THSD7B: variants seen among roughly 807,000 people sequenced by gnomAD.
The protein encoded by THSD7B is thrombospondin type-1 domain-containing protein 7B.
In THSD7B, 138 loss-of-function variants were observed where a neutral mutation model predicts 213.6. The observed-to-expected ratio is 0.65, with a 90% CI of 0.56 to 0.74. THSD7B has a LOEUF of 0.74. Among genes scored for constraint, THSD7B ranks in the 30% least tolerant of loss-of-function variants. The pLI is 0.00. For synonymous variants in THSD7B, 742 were observed against 687.0 expected, an observed-to-expected ratio of 1.08 and a Z score of -1.25; for missense variants, 1,931 against 1,991.5, an observed-to-expected ratio of 0.97 and a Z score of 0.58.
chr2:137,351,569 C>T (rs919752750), intron 12 of THSD7B, among the ~76,000 whole-genome samples: 6 of 151,766 alleles, frequency 4.0e-5, no homozygotes, highest in Non-Finnish European at 7.4e-5. Context: ...ATGAAGCAAT[C>T]GATGAGTGAC....
intron 1 of THSD7B, among the ~76,000 whole-genome samples, chr2:136,772,038 CT>C (rs900159706): frequency 8.6e-5 from 13 of 151,060 alleles, no homozygotes; most frequent in African/African-American, 2.2e-4. Context: ...TATTTAGTCC[CT>C]TTTTTTTTGT....
intron 2 of THSD7B, among the ~76,000 whole-genome samples, chr2:136,966,809 A>G (rs1435724418): frequency 6.6e-6 from 1 of 152,156 alleles, no homozygotes; most frequent in Non-Finnish European, 1.5e-5. Flanking sequence ...TGCCTAAAAC[A>G]ACCTTTTTTC....
At chr2:137,641,762 GCAGAA>G (rs750092970) in intron 20 of THSD7B, among the ~76,000 whole-genome samples, 18 of 152,162 alleles carry the variant, frequency 1.2e-4, no homozygotes, top group Non-Finnish European at 2.4e-4. Context: ...GTCTTTCATT[GCAGAA>G]CAGGAGACTA....
At chr2:137,434,870 A>G (rs571506293) in intron 14 of THSD7B, among the ~76,000 whole-genome samples, 3 of 152,306 alleles carry the variant, frequency 2.0e-5, no homozygotes, top group South Asian at 4.1e-4. Flanking sequence ...CTTAAAGCCT[A>G]TAATTATGTC....
intron 15 of THSD7B, among the ~76,000 whole-genome samples, chr2:137,538,901 C>A (rs565862295): frequency 4.6e-5 from 7 of 151,594 alleles, no homozygotes; most frequent in Non-Finnish European, 8.9e-5. Flanking sequence ...TAGCTCCAAA[C>A]AGCCGAGAAT....
At chr2:137,161,367 T>A (rs1680015378) in intron 6 of THSD7B, among the ~76,000 whole-genome samples, 1 of 152,222 alleles carries the variant, frequency 6.6e-6, no homozygotes, top group Non-Finnish European at 1.5e-5. Context: ...AGGTTCTAGT[T>A]ATTACATGCA....
chr2:137,251,905 A>G (rs1309151734), intron 10 of THSD7B, among the ~76,000 whole-genome samples: 2 of 152,196 alleles, frequency 1.3e-5, no homozygotes, highest in Admixed American at 1.3e-4. Flanking sequence ...TGTGACAAGC[A>G]CCTACTGTGT....
At chr2:137,194,316 T>G (rs1271507268) in intron 7 of THSD7B, among the ~76,000 whole-genome samples, 3 of 152,144 alleles carry the variant, frequency 2.0e-5, no homozygotes, top group African/African-American at 7.2e-5. Context: ...GTCCTAAAAT[T>G]GACCTAAAGC....
intron 4 of THSD7B, among the ~76,000 whole-genome samples, chr2:137,109,027 C>T (rs781773252): frequency 1.3e-5 from 2 of 152,098 alleles, no homozygotes; most frequent in Non-Finnish European, 2.9e-5. Context: ...TCTCTCATTC[C>T]AGGTCTAATC....
intron 7 of THSD7B, among the ~76,000 whole-genome samples, chr2:137,175,927 G>A (rs1680349662): frequency 6.6e-6 from 1 of 151,990 alleles, no homozygotes; most frequent in African/African-American, 2.4e-5. Flanking sequence ...GGAATATTTT[G>A]CGATTCACCA....
At chr2:137,503,857 T>C (rs1679771175) in intron 15 of THSD7B, among the ~76,000 whole-genome samples, 1 of 151,798 alleles carries the variant, frequency 6.6e-6, no homozygotes, top group South Asian at 2.1e-4. Flanking sequence ...AAACCCCGTC[T>C]CTACTAAAAA....
intron 12 of THSD7B, among the ~76,000 whole-genome samples, chr2:137,376,705 G>A (rs2104957916): frequency 6.6e-6 from 1 of 152,254 alleles, no homozygotes; most frequent in East Asian, 1.9e-4. Flanking sequence ...GTAGTTATAG[G>A]CAATAGTCTG....
In THSD7B at chr2:137,676,871, G is replaced by T; in HGVS notation, c.*266G>T. The stretch of plus-strand genomic sequence containing the variant: ...CTGAAAACCCTTCTCTTCCTGTTTG[G>T]AACTGGGAGGAAGAAAACATGATGG... On this transcript the variant is annotated 3_prime_UTR_variant, in exon 28 of 28. Transcript: ENST00000409968. The T allele has an allele frequency of 3.4e-6, 1 of 296,262 alleles. No homozygotes were observed. Among genetic ancestry groups the T allele is most frequent in the Non-Finnish European group, 6.2e-6 (1 of 162,370 alleles). The allele number at this position is 296,262 out of a possible 1,614,324, so 18.4% of individuals were successfully genotyped here.
At chr2:137,308,566 A>G (rs1157952965) in intron 12 of THSD7B, among the ~76,000 whole-genome samples, 1 of 152,148 alleles carries the variant, frequency 6.6e-6, no homozygotes, top group African/African-American at 2.4e-5. Context: ...AGTTATAGGT[A>G]TTGAACAAGC....
intron 12 of THSD7B, among the ~76,000 whole-genome samples, chr2:137,317,801 C>G (rs1387253760): frequency 6.6e-6 from 1 of 152,044 alleles, no homozygotes; most frequent in African/African-American, 2.4e-5. Context: ...ACCTGTAGAC[C>G]TAGTTACTCA....
chr2:137,327,580 C>T (rs962166828), intron 12 of THSD7B, among the ~76,000 whole-genome samples: 2 of 151,968 alleles, frequency 1.3e-5, no homozygotes, highest in East Asian at 3.9e-4. Flanking sequence ...TTGTACTCCC[C>T]ATCTTGCTTT....
At chr2:137,556,266 C>T (rs1573705664) in intron 15 of THSD7B, among the ~76,000 whole-genome samples, 1 of 151,980 alleles carries the variant, frequency 6.6e-6, no homozygotes, top group Non-Finnish European at 1.5e-5. Context: ...TGAAATGAAG[C>T]AAAAAATGTT....
chr2:136,895,333 A>G (rs2105006035), intron 2 of THSD7B, among the ~76,000 whole-genome samples: 1 of 152,058 alleles, frequency 6.6e-6, no homozygotes, highest in Non-Finnish European at 1.5e-5. Flanking sequence ...AATTTTCTTT[A>G]TGAAAAGGTC....
chr2:137,636,173 A>G (rs352175), intron 20 of THSD7B, among the ~76,000 whole-genome samples: 8,039 of 152,262 alleles, frequency 0.053, 672 homozygotes, highest in African/African-American at 0.18. Flanking sequence ...TCATTTACAG[A>G]ACCTTTGCCC....
Sources: allele counts gnomAD v4.1 joint callset (sites outside exome capture counted in the v4.1 genomes callset), GRCh38; gene constraint gnomAD v4.1.1; transcripts MANE v1.5; gene names NCBI Gene and HGNC (gene_info 2026-07-23, HGNC 2026-07-21).